INPP5E: variants seen among roughly 807,000 people sequenced by gnomAD.
INPP5E encodes phosphatidylinositol polyphosphate 5-phosphatase type IV.
Under a neutral mutation model 50.5 loss-of-function variants are expected in INPP5E, and 34 were observed. The observed-to-expected ratio is 0.67, with a 90% CI of 0.51 to 0.90. The LOEUF is 0.90. Ranked by LOEUF, INPP5E falls within the 40% of genes least tolerant of loss-of-function variation. The pLI, the probability that INPP5E is intolerant of heterozygous loss-of-function variation, is 0.00. For synonymous variants in INPP5E, 447 were observed against 406.0 expected (o/e 1.10, Z -1.21); for missense variants, 942 against 905.5 (o/e 1.04, Z -0.52).
Position 136,433,748 on chromosome 9 carries a change from C to T in INPP5E, c.1034+289G>A, listed in dbSNP as rs985895832. 5.3e-5 allele frequency among the ~76,000 whole-genome samples: 8 copies of T among 152,262 alleles called. No individual in the cohort carries two copies. In the South Asian group the frequency reaches 6.2e-4, roughly 12 times the overall value. ...TGATTTTAAACTCTCCGAGTTGCCA[C>T]TGGAAAAAAATCTGACCCATGCCTC... On this transcript the variant is annotated intron_variant, in intron 3 of 9. Transcript: ENST00000371712.
rs2131611492 is a variant in INPP5E at position 136,434,879 on chromosome 9, C to T, written c.813-16G>A. The stretch of plus-strand genomic sequence containing the variant: ...CAGGTAACTCCTGTGACGGGAGGAC[C>T]CCAAGCTCAGGGCCAGGCACAGGAC... On this transcript the variant is annotated splice_polypyrimidine_tract_variant and intron_variant, in intron 1 of 9. Transcript: ENST00000371712. The T allele has an allele frequency of 1.2e-6, 2 of 1,600,234 alleles. No homozygotes were observed. Among genetic ancestry groups the T allele is most frequent in the Non-Finnish European group, 1.7e-6 (2 of 1,174,114 alleles).
chr9:136,438,177 C>T, intron 1 of INPP5E: 1 of 200,086 alleles, frequency 5.0e-6, no homozygotes. Flanking sequence ...CAGGAGGCTG[C>T]GGCAGGAGGA....
rs762137331 is a variant in INPP5E at position 136,431,107 on chromosome 9, G to A, written c.1560C>T (p.Phe520=). Residue 520 remains phenylalanine (F), a synonymous_variant, in exon 8 of 10, where the codon TTC becomes TTT. Coordinates refer to ENST00000371712, the MANE Select transcript of INPP5E (RefSeq NM_019892.6). ...LIREMRKGSI[F]KGFQEPDIHF... ...GGATGTCCGGCTCCTGGAAGCCCTT[G>A]AAGATGGACCCTGCCACAGGATGGG... 2 of 1,611,536 alleles carry A rather than the reference G, an allele frequency of 1.2e-6. No individual in the cohort carries two copies. The highest frequency in any genetic ancestry group is 1.7e-6 in the Non-Finnish European group (2 of 1,178,500).
intron 1 of INPP5E, chr9:136,437,941 G>A (rs1391801419): frequency 1.3e-5 from 2 of 154,376 alleles, no homozygotes; most frequent in Non-Finnish European, 2.9e-5. Flanking sequence ...TTCCTCATGA[G>A]CAAGTGGCTA....
intron 8 of INPP5E, 119 bp from the exon 9 acceptor site, chr9:136,430,532 G>A: frequency 2.5e-6 from 3 of 1,201,464 alleles, no homozygotes. Flanking sequence ...TGGGACCCCT[G>A]ACACTCATGC....
intron 6 of INPP5E, 135 bp downstream of exon 6, chr9:136,432,344 G>A (rs111588324): frequency 2.5e-5 from 18 of 713,340 alleles, no homozygotes; most frequent in South Asian, 3.0e-5. Flanking sequence ...GGGGCCATGC[G>A]CTGGGGGCAC....
intron 3 of INPP5E, among the ~76,000 whole-genome samples, chr9:136,433,657 C>T (rs931175807): frequency 1.3e-5 from 2 of 152,224 alleles, no homozygotes; most frequent in African/African-American, 2.4e-5. Flanking sequence ...CCTTGGGGCC[C>T]GGCCCTGCTC....
chr9:136,436,944 C>T (rs1835844887), intron 1 of INPP5E: 1 of 152,230 alleles, frequency 6.6e-6, no homozygotes, highest in Non-Finnish European at 1.5e-5. Flanking sequence ...ACTTGAGGGT[C>T]CAAATTTGAG....
intron 1 of INPP5E, chr9:136,436,613 CACT>C (rs1462693167): frequency 6.6e-6 from 1 of 152,274 alleles, no homozygotes; most frequent in African/African-American, 2.4e-5. Flanking sequence ...AGCCCCAAGG[CACT>C]GGCAAAAGCC....
intron 6 of INPP5E, 126 bp from the exon 7 acceptor site, chr9:136,432,111 G>T: frequency 8.4e-7 from 1 of 1,184,490 alleles, no homozygotes; most frequent in Non-Finnish European, 1.2e-6. Context: ...GTGGGGCCGG[G>T]CCCTCAGGGG....
chr9:136,432,009 G>T (rs1221174831), intron 6 of INPP5E, 24 bp from the exon 7 acceptor site: 1 of 1,612,582 alleles, frequency 6.2e-7, no homozygotes, highest in East Asian at 2.2e-5. Context: ...GGCCATGTGT[G>T]GGCACAGGCA....
Position 136,429,742 on chromosome 9 carries a change from G to A in INPP5E, c.1868C>T (p.Ser623Leu), listed in dbSNP as rs754887212. 3.2e-5 allele frequency: 52 copies of A among 1,613,790 alleles called. No homozygotes were observed. The East Asian group carries it at 4.9e-4, about 15-fold the overall frequency. ...LYLLGIKRRI[S>L]KEIQRQQALQ... ...TGCTTGCTGCCTCTGAATCTCCTTC[G>A]AAATCCGTCTTTTAATTCCTAGTAA... Residue 623 changes from serine to leucine, a missense_variant, in exon 10 of 10, where the codon TCG (serine) becomes TTG (leucine). Ser to Leu is a moderately radical substitution (Grantham distance 145, BLOSUM62 -2). Transcript: ENST00000371712.
At chr9:136,430,870 G>T in intron 8 of INPP5E, 132 bp downstream of exon 8, 1 of 716,026 alleles carries the variant, frequency 1.4e-6, no homozygotes, top group Non-Finnish European at 2.5e-6. Flanking sequence ...CTTGCCACAA[G>T]GCCAAGGTGC....
rs1835911518 is a variant in INPP5E, at chr9:136,438,912, T to C, written c.508A>G (p.Asn170Asp). The C allele has an allele frequency of 6.3e-7, 1 of 1,576,446 alleles. No individual in the cohort carries two copies. The highest frequency in any genetic ancestry group is 1.1e-5 in the South Asian group (1 of 87,370). Residue 170 changes from asparagine to aspartate, a missense_variant, in exon 1 of 10, where the codon AAC becomes GAC. Transcript: ENST00000371712. ...ACGGCGGCGTCTCTGTGCGGGAGGT[T>C]CGGGGAGCTGCTGGCCACCCCAGAG... Reference protein sequence around the residue: ...PLSGVASSSPNLPHRDAAVAG... With the variant: ...PLSGVASSSPDLPHRDAAVAG...
In INPP5E at chr9:136,438,629, C is replaced by T. The variant is rs202197173; in HGVS notation, c.791G>A (p.Arg264His). The change falls in exon 1 of 10, where the codon CGC becomes CAC. Residue 264 changes from arginine to histidine, a missense_variant. Coordinates refer to ENST00000371712, the MANE Select transcript of INPP5E (RefSeq NM_019892.6). ...CTACCTGCTGCGGACGTCCTTGCTG[C>T]GGATGGGCGCCAGGAGGCTGAAGGA... Reference protein sequence around the residue: ...KSSFSLLAPIRSKDVRSRSYL... With the variant: ...KSSFSLLAPIHSKDVRSRSYL... 1,175 of 1,567,274 alleles carry T rather than the reference C, an allele frequency of 7.5e-4. 7 individuals are homozygous for T. In the African/African-American group the frequency reaches 0.014, roughly 19 times the overall value.
rs375126841 is a variant in INPP5E, at chr9:136,431,052, C to T, written c.1615G>A (p.Gly539Arg). 1.5e-5 allele frequency: 24 copies of T among 1,613,172 alleles called. No homozygotes were observed. The highest frequency in any genetic ancestry group is 4.5e-5 in the East Asian group (2 of 44,828). ...HFLPSYKFDIGKDTYDSTSKQ... is the reference protein window; with the variant it reads ...HFLPSYKFDIRKDTYDSTSKQ... ...GAGGTGCTGTCGTACGTGTCCTTCC[C>T]GATGTCAAACTTGTATGATGGGAGG... The change falls in exon 8 of 10, where the codon GGG becomes AGG. Residue 539 changes from glycine (G) to arginine (R), a missense_variant. Physicochemically the swap from Gly to Arg is moderately radical, Grantham distance 125. Coordinates refer to ENST00000371712, the MANE Select transcript of INPP5E (RefSeq NM_019892.6).
rs902679447 is a variant in INPP5E at position 136,432,093 on chromosome 9, G to C, written c.1388-108C>G. 28 of 1,387,098 alleles carry C rather than the reference G, an allele frequency of 2.0e-5. 1 individual carries two copies. The highest frequency in any genetic ancestry group is 3.6e-4 in the Middle Eastern group (2 of 5,524). The allele number at this position is 1,387,098 out of a possible 1,614,324, so 85.9% of individuals were successfully genotyped here. On this transcript the variant is annotated intron_variant, in intron 6 of 9. Transcript: ENST00000371712. ...CTCTCAGGGGAAGTGGGTCTTGGGC[G>C]CCAGCCGGTGGGGCCGGGCCCTCAG...
intron 3 of INPP5E, among the ~76,000 whole-genome samples, chr9:136,433,529 T>A (rs1288855729): frequency 6.6e-6 from 1 of 151,606 alleles, no homozygotes; most frequent in African/African-American, 2.4e-5. Context: ...GCAGAGCTCC[T>A]CCCGCCTGAG....
Position 136,434,825 on chromosome 9 carries a change from A to G in INPP5E, c.851T>C (p.Leu284Pro). 6.2e-7 allele frequency: 1 copy of G among 1,609,592 alleles called. No homozygotes were observed. The highest frequency in any genetic ancestry group is 8.5e-7 in the Non-Finnish European group (1 of 1,178,918). Residue 284 changes from leucine to proline, a missense_variant, in exon 2 of 10, where the codon CTG becomes CCG. Leu to Pro is a moderately conservative substitution (Grantham distance 98). Coordinates refer to ENST00000371712, the MANE Select transcript of INPP5E (RefSeq NM_019892.6). ...GCGGGCCAGCTCATCCGCCCCCAAC[A>G]GGGCCCCGCTGGCCAGGAGGCTGCC... The part of the protein sequence containing the change: ...LEGSLLASGA[L>P]LGADELARYF...
Sources: allele counts gnomAD v4.1 joint callset (sites outside exome capture counted in the v4.1 genomes callset), GRCh38; gene constraint gnomAD v4.1.1; transcripts MANE v1.5; gene names NCBI Gene and HGNC (gene_info 2026-07-23, HGNC 2026-07-21).